SLC2A13: variants seen among roughly 807,000 people sequenced by gnomAD.
SLC2A13 encodes the protein solute carrier family 2 member 13.
Under a neutral mutation model 64.4 loss-of-function variants are expected in SLC2A13, and 32 were observed. The ratio of observed to expected loss-of-function variants is 0.50; its 90% CI spans 0.37 to 0.67. SLC2A13 has a LOEUF of 0.67. Among genes scored for constraint, SLC2A13 ranks in the 30% least tolerant of loss-of-function variants. The pLI, the probability that SLC2A13 is intolerant of heterozygous loss-of-function variation, is 0.00. For missense variants in SLC2A13, 743 were observed against 829.2 expected, an observed-to-expected ratio of 0.90 and a Z score of 1.28; for synonymous variants, 338 against 327.1, an observed-to-expected ratio of 1.03 and a Z score of -0.36.
intron 9 of SLC2A13, among the ~76,000 whole-genome samples, chr12:39,762,497 G>A (rs1399347667): frequency 2.0e-5 from 3 of 149,868 alleles, no homozygotes; most frequent in Non-Finnish European, 4.5e-5. Flanking sequence ...ATGGCATATT[G>A]GTGATATAGC....
chr12:40,000,808 T>C (rs901859420), intron 3 of SLC2A13, among the ~76,000 whole-genome samples: 2 of 152,338 alleles, frequency 1.3e-5, no homozygotes, highest in African/African-American at 4.8e-5. Flanking sequence ...TCTCCAAATG[T>C]AGTCACATTA....
chr12:40,043,981 C>T (rs771638795), intron 2 of SLC2A13, among the ~76,000 whole-genome samples: 26 of 152,262 alleles, frequency 1.7e-4, no homozygotes, highest in Non-Finnish European at 3.4e-4. Context: ...CCTAGCAATT[C>T]CACAGATAGG....
chr12:39,901,789 C>A lies in SLC2A13; in HGVS notation c.1035-29828G>T, dbSNP rs1424018963. Among the ~76,000 whole-genome samples, 574 of 137,632 alleles carry A rather than the reference C, an allele frequency of 4.2e-3. 13 individuals are homozygous for A. In the East Asian group the frequency reaches 0.086, roughly 21 times the overall value. 90.3% of individuals were successfully genotyped at this position (137,632 alleles called of 152,430 possible). ...CATTGTGGAAGTCAGTGTGGCGATT[C>A]CTCAGGGATCTAGAACTAGAAATAC... On this transcript the variant is annotated intron_variant, in intron 4 of 9. Coordinates refer to ENST00000280871, the MANE Select transcript of SLC2A13 (RefSeq NM_052885.4).
chr12:40,074,340 A>G (rs1344046384), intron 1 of SLC2A13, among the ~76,000 whole-genome samples: 1 of 151,644 alleles, frequency 6.6e-6, no homozygotes, highest in African/African-American at 2.4e-5. Flanking sequence ...CTATTTTTAA[A>G]ACTTTTTGTA....
At chr12:39,837,706 A>G (rs1344530300) in intron 6 of SLC2A13, among the ~76,000 whole-genome samples, 1 of 152,204 alleles carries the variant, frequency 6.6e-6, no homozygotes, top group Non-Finnish European at 1.5e-5. Flanking sequence ...TTCTCAAAAG[A>G]AGACATTTAT....
chr12:39,951,618 G>C (rs977520859), intron 3 of SLC2A13, among the ~76,000 whole-genome samples: 1 of 152,100 alleles, frequency 6.6e-6, no homozygotes, highest in African/African-American at 2.4e-5. Flanking sequence ...CAATTTATGG[G>C]TACTAGAAGA....
intron 4 of SLC2A13, among the ~76,000 whole-genome samples, chr12:39,925,404 T>C (rs1436116886): frequency 6.6e-6 from 1 of 152,186 alleles, no homozygotes; most frequent in African/African-American, 2.4e-5. Flanking sequence ...TGTATTTTAA[T>C]TAAATCTTTC....
intron 3 of SLC2A13, among the ~76,000 whole-genome samples, chr12:39,959,913 C>A (rs1946380046): frequency 1.3e-5 from 2 of 152,164 alleles, no homozygotes. Flanking sequence ...CATCTACCAA[C>A]CAACCCATCA....
At chr12:39,787,569 T>A (rs1461590616) in intron 7 of SLC2A13, among the ~76,000 whole-genome samples, 1 of 152,176 alleles carries the variant, frequency 6.6e-6, no homozygotes, top group African/African-American at 2.4e-5. Context: ...TTTGATATAC[T>A]TTTTTGGCTT....
chr12:39,987,278 A>G (rs1947047992), intron 3 of SLC2A13, among the ~76,000 whole-genome samples: 1 of 152,218 alleles, frequency 6.6e-6, no homozygotes, highest in Non-Finnish European at 1.5e-5. Flanking sequence ...TGACAAAATA[A>G]TGAGGTAAGT....
chr12:40,101,759 T>C (rs116145579), intron 1 of SLC2A13, among the ~76,000 whole-genome samples: 428 of 152,186 alleles, frequency 2.8e-3, no homozygotes, highest in African/African-American at 9.9e-3. Context: ...TCTGTGCCTT[T>C]ACACCAGCTA....
At chr12:39,885,075 TA>T (rs1236752924) in intron 4 of SLC2A13, among the ~76,000 whole-genome samples, 1 of 152,230 alleles carries the variant, frequency 6.6e-6, no homozygotes, top group Admixed American at 6.5e-5. Context: ...GAATTGTGAC[TA>T]CATTTAAGAG....
chr12:39,859,338 A>G (rs1943695410), intron 6 of SLC2A13, among the ~76,000 whole-genome samples: 3 of 144,568 alleles, frequency 2.1e-5, no homozygotes, highest in African/African-American at 5.4e-5. Context: ...TTTCTGAAAA[A>G]AAAAAAAAAA....
At chr12:39,869,825 C>CT in intron 5 of SLC2A13, among the ~76,000 whole-genome samples, 1 of 152,334 alleles carries the variant, frequency 6.6e-6, no homozygotes, top group South Asian at 2.1e-4. Context: ...AAGGCTCACT[C>CT]TTTGGTAACA....
rs550090227 is a variant in SLC2A13, at chr12:40,053,260, G to A, written c.557-5050C>T. Among the ~76,000 whole-genome samples the A allele has an allele frequency of 7.2e-4, 89 of 122,986 alleles. 1 individual carries two copies. The highest frequency in any genetic ancestry group is 1.1e-3 in the Admixed American group (10 of 9,518). 80.7% of individuals were successfully genotyped at this position (122,986 alleles called of 152,430 possible). A position where few individuals can be genotyped will look rare whatever the true frequency, so the allele number is the denominator to read the frequency against. ...TGGTACCACTGCACTATAGCCTGGC[G>A]ACAGAGCAAAGACTCCATCTCAAAA... On this transcript the variant is annotated intron_variant, in intron 1 of 9. Coordinates refer to ENST00000280871, the MANE Select transcript of SLC2A13 (RefSeq NM_052885.4).
At chr12:40,057,730 A>G (rs910552343) in intron 1 of SLC2A13, among the ~76,000 whole-genome samples, 3 of 152,184 alleles carry the variant, frequency 2.0e-5, no homozygotes, top group Non-Finnish European at 4.4e-5. Flanking sequence ...AACAATGGCT[A>G]AGAATTTTAC....
intron 4 of SLC2A13, among the ~76,000 whole-genome samples, chr12:39,904,954 A>G (rs1477870805): frequency 3.9e-5 from 6 of 152,214 alleles, no homozygotes; most frequent in African/African-American, 1.4e-4. Context: ...TTTTTGATAC[A>G]GACGTGCAGG....
intron 9 of SLC2A13, among the ~76,000 whole-genome samples, chr12:39,760,799 AGTTTGGTTTTCTAAGG>A (rs1186054556): frequency 6.6e-6 from 1 of 151,982 alleles, no homozygotes; most frequent in Admixed American, 6.6e-5. Flanking sequence ...AATATTAGCT[AGTTTGGTTTTCTAAGG>A]GTCATGATAG....
rs375944953 is a variant in SLC2A13 at position 39,914,656 on chromosome 12, C to T, written c.1034+36601G>A. On this transcript the variant is annotated intron_variant, in intron 4 of 9. Transcript: ENST00000280871. The stretch of plus-strand genomic sequence containing the variant: ...ATGGCAAAAACTGCAATTACTTTTG[C>T]ACCAACCTAATATATATACATACTC... 2.2e-4 allele frequency among the ~76,000 whole-genome samples: 33 copies of T among 151,914 alleles called. No individual in the cohort carries two copies. In the East Asian group the frequency reaches 2.7e-3, roughly 12 times the overall value.
Sources: allele counts gnomAD v4.1 joint callset (sites outside exome capture counted in the v4.1 genomes callset), GRCh38; gene constraint gnomAD v4.1.1; transcripts MANE v1.5; gene names NCBI Gene and HGNC (gene_info 2026-07-23, HGNC 2026-07-21).